TRPM2: variants seen among roughly 807,000 people sequenced by gnomAD.
TRPM2 encodes estrogen-responsive element-associated gene 1 protein.
TRPM2 carries 161 observed loss-of-function variants against 174.0 expected under a neutral mutation model. That is an observed-to-expected ratio of 0.93 (90% CI 0.81 to 1.05). The LOEUF (loss-of-function observed/expected upper bound fraction) is 1.05. Ranked by LOEUF, TRPM2 falls within the 50% of genes least tolerant of loss-of-function variation. TRPM2 has a pLI of 0.00. For missense variants in TRPM2, 2,057 were observed against 2,038.0 expected (o/e 1.01, Z -0.18); for synonymous variants, 954 against 861.3 (o/e 1.11, Z -1.88).
intron 19 of TRPM2, among the ~76,000 whole-genome samples, chr21:44,412,670 A>C (rs2050143480): frequency 1.3e-5 from 2 of 151,716 alleles, no homozygotes; most frequent in African/African-American, 4.8e-5. Flanking sequence ...AGTCTTTCCC[A>C]CTGGGTATGA....
chr21:44,363,805 T>C (rs2048281512), intron 2 of TRPM2, among the ~76,000 whole-genome samples: 1 of 152,206 alleles, frequency 6.6e-6, no homozygotes, highest in Admixed American at 6.5e-5. Flanking sequence ...GCTGGTCCTC[T>C]TGACATGTCT....
At chr21:44,419,617 GTGGTGGTGATTGTGA>G (rs2146352667) in intron 22 of TRPM2, among the ~76,000 whole-genome samples, 1 of 284 alleles carries the variant, frequency 3.5e-3, no homozygotes, top group African/African-American at 0.013. Flanking sequence ...TGATGGTGAT[GTGGTGGTGATTGTGA>G]TGGTGGTGGT....
At chr21:44,400,443 A>G in intron 15 of TRPM2, 72 bp downstream of exon 15, 7 of 1,345,596 alleles carry the variant, frequency 5.2e-6, no homozygotes, top group Non-Finnish European at 6.2e-6. Flanking sequence ...GGGGCTCAGG[A>G]TCTTCCCTAG....
intron 11 of TRPM2, among the ~76,000 whole-genome samples, chr21:44,394,464 T>C (rs980934569): frequency 4.0e-5 from 6 of 151,800 alleles, no homozygotes; most frequent in Non-Finnish European, 8.8e-5. Context: ...GGACTACAGG[T>C]GTCCGCCACC....
At chr21:44,371,092 T>C (rs1008120018) in intron 5 of TRPM2, among the ~76,000 whole-genome samples, 1 of 152,240 alleles carries the variant, frequency 6.6e-6, no homozygotes, top group East Asian at 1.9e-4. Context: ...TTGGCCATCA[T>C]CCAGCCATCG....
At chr21:44,350,815 G>T (rs1266578871), upstream of TRPM2, among the ~76,000 whole-genome samples, 4 of 151,842 alleles carry the variant, frequency 2.6e-5, no homozygotes, top group African/African-American at 9.7e-5. Context: ...ACGCCTTGCC[G>T]CTGGAGCGAC....
At chr21:44,402,895 C>G (rs892766552) in intron 16 of TRPM2, among the ~76,000 whole-genome samples, 1 of 152,190 alleles carries the variant, frequency 6.6e-6, no homozygotes, top group Non-Finnish European at 1.5e-5. Flanking sequence ...CCTCTGCTCT[C>G]TAACCTTGGT....
chr21:44,351,999 C>T (rs1300138183), upstream of TRPM2, among the ~76,000 whole-genome samples: 1 of 152,332 alleles, frequency 6.6e-6, no homozygotes, highest in South Asian at 2.1e-4. Context: ...TCGTTTCCAG[C>T]GTGGAGCCAT....
At chr21:44,411,672 G>A (rs1399531861) in intron 19 of TRPM2, among the ~76,000 whole-genome samples, 8 of 152,256 alleles carry the variant, frequency 5.3e-5, no homozygotes, top group Admixed American at 3.9e-4. Context: ...ATCTTAAGAC[G>A]AGTCCACTGA....
chr21:44,373,615 GCGA>G, intron 5 of TRPM2, among the ~76,000 whole-genome samples: 2 of 119,342 alleles, frequency 1.7e-5, no homozygotes. Flanking sequence ...TGCATTATAT[GCGA>G]CCTGCATTAT....
intron 31 of TRPM2, 61 bp from the exon 32 acceptor site, chr21:44,441,630 AG>A: frequency 2.3e-5 from 36 of 1,550,346 alleles, no homozygotes; most frequent in Non-Finnish European, 3.1e-5. Context: ...TGCAGTCCGT[AG>A]GGCTCAGCTG....
intron 20 of TRPM2, among the ~76,000 whole-genome samples, chr21:44,417,635 C>A (rs538461184): frequency 7.5e-6 from 1 of 133,522 alleles, no homozygotes; most frequent in African/African-American, 2.9e-5. Flanking sequence ...TGGCTCTGCT[C>A]TCTGGCATCA....
chr21:44,406,373 C>T (rs890992689), intron 18 of TRPM2, among the ~76,000 whole-genome samples: 13 of 152,120 alleles, frequency 8.5e-5, no homozygotes, highest in Admixed American at 2.6e-4. Context: ...CCTTGGGTCA[C>T]GGTTATGTCT....
In TRPM2 at chr21:44,400,326, G is replaced by T; in HGVS notation, c.2276G>T (p.Cys759Phe). The T allele has an allele frequency of 6.2e-7, 1 of 1,612,818 alleles. No individual in the cohort carries two copies. The highest frequency in any genetic ancestry group is 8.5e-7 in the Non-Finnish European group (1 of 1,179,900). ...VDNGLWRVTL[C>F]MLAFPLLLTG... is the part of the protein sequence containing the mutation. ...AATGGGCTGTGGCGTGTGACCCTGT[G>T]CATGCTGGCCTTCCCGCTGCTCCTC... Residue 759 changes from cysteine (C) to phenylalanine (F), a missense_variant, in exon 15 of 32, where the codon TGC becomes TTC. Coordinates refer to ENST00000397928, the MANE Select transcript of TRPM2 (RefSeq NM_003307.4).
At position 44,406,615 on chromosome 21, in the gene TRPM2, C is replaced by T; in HGVS notation, c.2812C>T (p.Leu938Phe). ...GCAGATGAAGGACGTCTTCTTCTTC[C>T]TCTTCCTGCTGGCTGTGTGGGTGGT... is the stretch of plus-strand genomic sequence containing the variant. Reference protein sequence around the residue: ...KRMMKDVFFFLFLLAVWVVSF... With the variant: ...KRMMKDVFFFFFLLAVWVVSF... The change falls in exon 19 of 32, where the codon CTC becomes TTC. Residue 938 changes from leucine to phenylalanine, a missense_variant. Coordinates refer to ENST00000397928, the MANE Select transcript of TRPM2 (RefSeq NM_003307.4). 6.2e-7 allele frequency: 1 copy of T among 1,610,482 alleles called. No homozygotes were observed. Among genetic ancestry groups the T allele is most frequent in the Non-Finnish European group, 8.5e-7 (1 of 1,179,332 alleles).
At chr21:44,396,932 T>TTGTGGAGGGC (rs1569060767) in intron 12 of TRPM2, among the ~76,000 whole-genome samples, 1 of 59,614 alleles carries the variant, frequency 1.7e-5, no homozygotes, top group East Asian at 4.9e-4. Context: ...GTGTGGGGGG[T>TTGTGGAGGGC]TGTGGAGGGC....
At chr21:44,426,049 G>A (rs1051749293) in intron 25 of TRPM2, among the ~76,000 whole-genome samples, 2 of 152,180 alleles carry the variant, frequency 1.3e-5, no homozygotes, top group Admixed American at 6.5e-5. Context: ...GGGGCCTGAG[G>A]GGGGCACACT....
rs968275939 is a variant in TRPM2 at position 44,394,117 on chromosome 21, T to C, written c.1795-1297T>C. 2.0e-5 allele frequency among the ~76,000 whole-genome samples: 3 copies of C among 151,900 alleles called. No individual in the cohort carries two copies. The East Asian group carries it at 5.8e-4, about 29-fold the overall frequency. ...ATCTCCTGACCTTAGGATCCACCCA[T>C]CTTGGCCTCCCAAAGTGCTGGGATT... On this transcript the variant is annotated intron_variant, in intron 11 of 31. Transcript: ENST00000397928.
rs778640904 is a variant in TRPM2 at position 44,405,917 on chromosome 21, G to A, written c.2670G>A (p.Ala890=). 3.1e-5 allele frequency: 49 copies of A among 1,603,854 alleles called. No homozygotes were observed. The highest frequency in any genetic ancestry group is 8.0e-5 in the African/African-American group (6 of 74,902). Residue 890 remains alanine (A), a synonymous_variant, in exon 18 of 32, where the codon GCG becomes GCA. Coordinates refer to ENST00000397928, the MANE Select transcript of TRPM2 (RefSeq NM_003307.4). ...VAGLTCRLIP[A]TLYPGRVILS... ...GCCCGGCGGCCAGGCTCATCCCGGC[G>A]ACGCTGTACCCCGGGCGCGTCATCC...
Sources: allele counts gnomAD v4.1 joint callset (sites outside exome capture counted in the v4.1 genomes callset), GRCh38; gene constraint gnomAD v4.1.1; transcripts MANE v1.5; gene names NCBI Gene and HGNC (gene_info 2026-07-23, HGNC 2026-07-21).